Variants in GSN observed in about 807,000 individuals in gnomAD.
GSN encodes actin-depolymerizing factor.
Under a neutral mutation model 85.7 loss-of-function variants are expected in GSN, and 56 were observed. The ratio of observed to expected loss-of-function variants is 0.65; its 90% CI spans 0.53 to 0.82. The LOEUF (loss-of-function observed/expected upper bound fraction) is 0.82, where lower values mean the gene tolerates loss of function less well. Among genes scored for constraint, GSN ranks in the 40% least tolerant of loss-of-function variants. The pLI is 0.00. For synonymous variants in GSN, 373 were observed against 399.1 expected (o/e 0.93, Z 0.78); for missense variants, 857 against 979.8 (o/e 0.87, Z 1.67).
At chr9:121,282,446 G>A in intron 2 of GSN, 2 of 1,301,950 alleles carry the variant, frequency 1.5e-6, no homozygotes, top group Non-Finnish European at 2.0e-6. Context: ...AAGGAGAAGG[G>A]GATGAATGAA....
chr9:121,214,943 G>T (rs1423390802), intron 4 of GSN, among the ~76,000 whole-genome samples: 1 of 152,134 alleles, frequency 6.6e-6, no homozygotes, highest in East Asian at 1.9e-4. Flanking sequence ...CCATGAACTG[G>T]GTGGCTTGCA....
intron 6 of GSN, among the ~76,000 whole-genome samples, chr9:121,258,633 A>G (rs1317740109): frequency 6.6e-6 from 1 of 152,226 alleles, no homozygotes; most frequent in Non-Finnish European, 1.5e-5. Flanking sequence ...ATTGATATCA[A>G]CATCTTGCCT....
upstream of GSN, among the ~76,000 whole-genome samples, chr9:121,263,511 A>G (rs2055130570): frequency 6.6e-6 from 1 of 152,150 alleles, no homozygotes; most frequent in South Asian, 2.1e-4. Context: ...GAAACTTACA[A>G]TCATGGTGGA....
chr9:121,235,360 G>A (rs982158187), intron 5 of GSN, among the ~76,000 whole-genome samples: 3 of 152,160 alleles, frequency 2.0e-5, no homozygotes, highest in African/African-American at 7.2e-5. Flanking sequence ...AGGTGGCTGA[G>A]AATTTTAGCT....
intron 14 of GSN, among the ~76,000 whole-genome samples, chr9:121,328,321 T>C (rs1411586471): frequency 6.6e-6 from 1 of 152,226 alleles, no homozygotes; most frequent in Non-Finnish European, 1.5e-5. Context: ...CAGATGGACA[T>C]GTTCTGTATC....
At position 121,332,725 on chromosome 9, in the gene GSN, C is replaced by A; in HGVS notation, c.*122C>A. The A allele has an allele frequency of 1.0e-5, 6 of 602,488 alleles. No homozygotes were observed. Among genetic ancestry groups the A allele is most frequent in the Non-Finnish European group, 1.7e-5 (6 of 357,910 alleles). The allele number at this position is 602,488 out of a possible 1,614,324, so 37.3% of individuals were successfully genotyped here. On this transcript the variant is annotated 3_prime_UTR_variant, in exon 18 of 18. Transcript: ENST00000432226. The surrounding 1 kb of genome is among the most constrained non-coding windows in gnomAD (Gnocchi z 4.8). ...GTGTGTGTGTGTGTGTGTGTTGTTT[C>A]TTTTTTTTTTTTTTACAGTATCCAA...
Position 121,299,968 on chromosome 9 carries a change from A to C in GSN, c.-9-1995A>C. ...GCCACTGCGTCGCGGGGGGCGTCCC[A>C]GGCGGGGGCGCCCCAGGGGCGGGTG... is the stretch of plus-strand genomic sequence containing the variant. On this transcript the variant is annotated intron_variant, in intron 2 of 17. Coordinates refer to ENST00000432226, the MANE Select transcript of GSN (RefSeq NM_198252.3). The surrounding 1 kb of genome is among the most constrained non-coding windows in gnomAD (Gnocchi z 4.2). The C allele has an allele frequency of 7.6e-7, 1 of 1,315,928 alleles. No homozygotes were observed. The allele number at this position is 1,315,928 out of a possible 1,614,324, so 81.5% of individuals were successfully genotyped here. A position where few individuals can be genotyped will look rare whatever the true frequency, so the allele number is the denominator to read the frequency against.
chr9:121,255,415 T>G (rs1272422768), intron 6 of GSN, among the ~76,000 whole-genome samples: 1 of 152,162 alleles, frequency 6.6e-6, no homozygotes, highest in Non-Finnish European at 1.5e-5. Flanking sequence ...TTTGTATTTT[T>G]TATAGAGACG....
At chr9:121,236,947 T>G (rs1332993543) in intron 5 of GSN, among the ~76,000 whole-genome samples, 1 of 152,262 alleles carries the variant, frequency 6.6e-6, no homozygotes, top group Non-Finnish European at 1.5e-5. Flanking sequence ...CTTTAGAAAC[T>G]TAAACCACTG....
chr9:121,310,899 C>G, intron 5 of GSN, 54 bp downstream of exon 5: 2 of 1,540,368 alleles, frequency 1.3e-6, no homozygotes, highest in East Asian at 4.5e-5. Flanking sequence ...CTGGTCTGAT[C>G]AGGGACTTGG....
intron 4 of GSN, among the ~76,000 whole-genome samples, chr9:121,306,506 T>TATGTATC (rs143314395): frequency 3.2e-4 from 48 of 151,714 alleles, no homozygotes; most frequent in Admixed American, 7.2e-4. Flanking sequence ...CCCTTGGAGA[T>TATGTATC]ATATAGTGGC....
intron 4 of GSN, among the ~76,000 whole-genome samples, chr9:121,305,137 A>G (rs2060266653): frequency 6.6e-6 from 1 of 152,234 alleles, no homozygotes; most frequent in Non-Finnish European, 1.5e-5. Flanking sequence ...AATGTTGCAG[A>G]GCAGGTCATA....
chr9:121,207,511 A>C (rs1418376636), upstream of GSN, among the ~76,000 whole-genome samples: 1 of 152,180 alleles, frequency 6.6e-6, no homozygotes. Flanking sequence ...CCCTACAAAC[A>C]TCCTTGAAAA....
chr9:121,310,874 G>A, intron 5 of GSN, 29 bp downstream of exon 5: 1 of 1,610,436 alleles, frequency 6.2e-7, no homozygotes, highest in Non-Finnish European at 8.5e-7. Flanking sequence ...TTTCCCAGGA[G>A]CCACTGAGGT....
Position 121,313,917 on chromosome 9 carries a change from C to A in GSN, c.664-17C>A. The A allele has an allele frequency of 6.3e-7, 1 of 1,598,878 alleles. No individual in the cohort carries two copies. The highest frequency in any genetic ancestry group is 8.6e-7 in the Non-Finnish European group (1 of 1,165,994). On this transcript the variant is annotated splice_polypyrimidine_tract_variant and intron_variant, in intron 6 of 17. Transcript: ENST00000432226. ...CCTCACAGCCACCCTTCCTCTCCAT[C>A]TCTCTATCTCCTACAGGTGCTGGGC...
intron 5 of GSN, chr9:121,311,594 A>C: frequency 6.5e-6 from 1 of 153,014 alleles, no homozygotes; most frequent in Admixed American, 6.5e-5. Flanking sequence ...AGCCCCTAGA[A>C]GGCCCCTTTT....
intron 4 of GSN, among the ~76,000 whole-genome samples, chr9:121,225,961 T>C (rs1272721966): frequency 6.6e-6 from 1 of 152,148 alleles, no homozygotes. Context: ...CCTGCCACCA[T>C]GCCTGGCTAA....
At chr9:121,287,816 T>C (rs930753280) in intron 2 of GSN, among the ~76,000 whole-genome samples, 3 of 152,200 alleles carry the variant, frequency 2.0e-5, no homozygotes, top group Admixed American at 6.5e-5. Flanking sequence ...TACAGAGTTA[T>C]GCAACCATCA....
chr9:121,212,519 CA>C (rs1232169873), intron 4 of GSN, among the ~76,000 whole-genome samples: 3 of 152,208 alleles, frequency 2.0e-5, no homozygotes, highest in African/African-American at 7.2e-5. Context: ...TGACTCTGGG[CA>C]TTGCTTCAGT....
Sources: gnomAD v4.1 joint callset for allele counts (sites outside exome capture counted in the v4.1 genomes callset) on GRCh38, gnomAD v4.1.1 for gene constraint, Gnocchi (gnomAD v3.1) non-coding constraint, MANE v1.5 for transcripts, NCBI Gene and HGNC (gene_info 2026-07-23, HGNC 2026-07-21) for gene names.